PCDHA9: variants seen among roughly 807,000 people sequenced by gnomAD.
PCDHA9 encodes protocadherin alpha 9.
PCDHA9 carries 62 observed loss-of-function variants against 62.0 expected under a neutral mutation model. The observed-to-expected ratio is 1.00, with a 90% CI of 0.81 to 1.23. The LOEUF (loss-of-function observed/expected upper bound fraction) is 1.23. Among genes scored for constraint, PCDHA9 ranks in the 50% most tolerant of loss-of-function variants. The pLI is 0.00. For missense variants in PCDHA9, 1,205 were observed against 1,249.8 expected (o/e 0.96, Z 0.54); for synonymous variants, 557 against 567.6 (o/e 0.98, Z 0.27).
At chr5:140,914,695 A>T (rs970720014) in intron 1 of PCDHA9, among the ~76,000 whole-genome samples, 1 of 151,978 alleles carries the variant, frequency 6.6e-6, no homozygotes, top group African/African-American at 2.4e-5. Context: ...CTCTGGTGGT[A>T]TGATTTAATT....
At chr5:140,997,118 C>A (rs1319289091) in intron 3 of PCDHA9, among the ~76,000 whole-genome samples, 24 of 152,088 alleles carry the variant, frequency 1.6e-4, no homozygotes, top group Non-Finnish European at 3.1e-4. Context: ...TGCTCTCCCA[C>A]ATACACAATG....
chr5:140,877,146 GA>G (rs781877505), intron 1 of PCDHA9: 8 of 1,613,700 alleles, frequency 5.0e-6, no homozygotes, highest in Admixed American at 3.3e-5. Context: ...TGCTGGACGA[GA>G]ACGACAACGC....
In PCDHA9 at chr5:141,010,450, G is replaced by T; in HGVS notation, c.*513G>T. 7.6e-6 allele frequency: 7 copies of T among 920,886 alleles called. No homozygotes were observed. The South Asian group carries it at 1.3e-4, about 17-fold the overall frequency. The allele number at this position is 920,886 out of a possible 1,614,324, so 57.0% of individuals were successfully genotyped here. A position where few individuals can be genotyped will look rare whatever the true frequency, so the allele number is the denominator to read the frequency against. ...AAGAAAACAAAGACAAATAAACAGC[G>T]GAAGTTATCAGTATGGAGGGGAAGT... is the stretch of plus-strand genomic sequence containing the variant. On this transcript the variant is annotated 3_prime_UTR_variant, in exon 4 of 4. Transcript: ENST00000532602.
chr5:140,975,996 C>T (rs923472287), intron 1 of PCDHA9, among the ~76,000 whole-genome samples: 1 of 152,064 alleles, frequency 6.6e-6, no homozygotes, highest in African/African-American at 2.4e-5. Flanking sequence ...GAGGTACCAT[C>T]TAAGTATTAA....
intron 1 of PCDHA9, among the ~76,000 whole-genome samples, chr5:140,977,969 C>T (rs1554238945): frequency 6.6e-6 from 1 of 152,114 alleles, no homozygotes; most frequent in African/African-American, 2.4e-5. Context: ...AATCTCCGCC[C>T]ATGAAAACGC....
intron 1 of PCDHA9, among the ~76,000 whole-genome samples, chr5:140,963,165 A>G (rs775997183): frequency 2.6e-5 from 4 of 152,110 alleles, no homozygotes; most frequent in Non-Finnish European, 5.9e-5. Flanking sequence ...GACACATGCC[A>G]TCTTACAGAT....
At chr5:140,943,248 ACT>A (rs1250099362) in intron 1 of PCDHA9, among the ~76,000 whole-genome samples, 2 of 133,008 alleles carry the variant, frequency 1.5e-5, no homozygotes, top group Non-Finnish European at 3.1e-5. Flanking sequence ...ACAGAGTGAG[ACT>A]CTGTCTCAAA....
intron 1 of PCDHA9, chr5:140,882,534 G>A (rs1554174427): frequency 8.7e-6 from 14 of 1,614,086 alleles, no homozygotes; most frequent in Non-Finnish European, 1.1e-5. Flanking sequence ...GTGAATTCTC[G>A]GATCGACCGC....
Position 140,977,158 on chromosome 5 carries a change from A to G in PCDHA9, c.2395-1791A>G, listed in dbSNP as rs6862693. Among the ~76,000 whole-genome samples, 983 of 152,340 alleles carry G rather than the reference A, an allele frequency of 6.5e-3. 6 individuals carry two copies. The highest frequency in any genetic ancestry group is 0.023 in the African/African-American group (951 of 41,586). ...CAGTCCTGCTGGAACTGTGCCTTTC[A>G]GCAAAATGAGTTTGATGATTTCATT... On this transcript the variant is annotated intron_variant, in intron 1 of 3. Transcript: ENST00000532602.
intron 1 of PCDHA9, chr5:140,857,647 G>T: frequency 6.3e-7 from 1 of 1,596,858 alleles, no homozygotes; most frequent in Non-Finnish European, 8.6e-7. Flanking sequence ...TACAGTTCCA[G>T]GTGAGCGCGC....
At chr5:140,875,925 T>C in intron 1 of PCDHA9, 2 of 1,614,142 alleles carry the variant, frequency 1.2e-6, no homozygotes. Context: ...TGGACTCTCA[T>C]TTTCCTCTAG....
chr5:140,955,701 A>G (rs1381358710), intron 1 of PCDHA9, among the ~76,000 whole-genome samples: 1 of 152,150 alleles, frequency 6.6e-6, no homozygotes, highest in Non-Finnish European at 1.5e-5. Context: ...ATGTCAATGG[A>G]AGTTTAATAG....
intron 1 of PCDHA9, among the ~76,000 whole-genome samples, chr5:140,908,560 C>T (rs1562965261): frequency 6.6e-6 from 1 of 152,198 alleles, no homozygotes; most frequent in Non-Finnish European, 1.5e-5. Context: ...AGGCCAAGAG[C>T]TGTCTCTCAA....
At chr5:140,869,630 A>G in intron 1 of PCDHA9, 2 of 1,613,720 alleles carry the variant, frequency 1.2e-6, no homozygotes, top group Non-Finnish European at 8.5e-7. Context: ...AGTAAAAATG[A>G]GTATTTTTCT....
chr5:140,937,039 CT>C (rs34994034), intron 1 of PCDHA9, among the ~76,000 whole-genome samples: 142 of 140,130 alleles, frequency 1.0e-3, no homozygotes, highest in Middle Eastern at 3.8e-3. Flanking sequence ...TTCCATTTAT[CT>C]TTTTTTTTTT....
At chr5:140,915,012 C>T (rs2076943122) in intron 1 of PCDHA9, among the ~76,000 whole-genome samples, 1 of 144,844 alleles carries the variant, frequency 6.9e-6, no homozygotes, top group Non-Finnish European at 1.5e-5. Context: ...GTGGCCTGAT[C>T]TTGGCTCACT....
intron 1 of PCDHA9, chr5:140,927,314 C>G: frequency 6.2e-7 from 1 of 1,614,194 alleles, no homozygotes; most frequent in East Asian, 2.2e-5. Flanking sequence ...ACGCCCGGAG[C>G]CCGCTTTACT....
At chr5:140,962,084 A>G (rs541325949) in intron 1 of PCDHA9, among the ~76,000 whole-genome samples, 1 of 152,028 alleles carries the variant, frequency 6.6e-6, no homozygotes, top group African/African-American at 2.4e-5. Flanking sequence ...ACGGGGTTTC[A>G]CCATGTTAGC....
chr5:140,859,512 T>A, intron 1 of PCDHA9: 1 of 196,766 alleles, frequency 5.1e-6, no homozygotes, highest in South Asian at 1.4e-4. Context: ...TACCCATGAT[T>A]TCATTTTTAA....
Sources: gnomAD v4.1 joint callset for allele counts (sites outside exome capture counted in the v4.1 genomes callset) on GRCh38, gnomAD v4.1.1 for gene constraint, MANE v1.5 for transcripts, NCBI Gene and HGNC (gene_info 2026-07-23, HGNC 2026-07-21) for gene names.